The following FAM120B variants were observed in gnomAD, a reference collection of about 807,000 sequenced individuals.
FAM120B encodes the protein constitutive coactivator of peroxisome proliferator-activated receptor gamma.
A neutral mutation model predicts 96.3 loss-of-function variants in FAM120B; 83 were observed. The ratio of observed to expected loss-of-function variants is 0.86; its 90% CI spans 0.72 to 1.03. FAM120B has a LOEUF of 1.03. FAM120B is among the 50% of genes least tolerant of loss of function. FAM120B has a pLI of 0.00. For synonymous variants in FAM120B, 407 were observed against 402.7 expected, an observed-to-expected ratio of 1.01 and a Z score of -0.13; for missense variants, 1,027 against 1,121.2, an observed-to-expected ratio of 0.92 and a Z score of 1.20.
At chr6:170,396,020 C>T (rs80167966) in intron 9 of FAM120B, among the ~76,000 whole-genome samples, 2,769 of 152,298 alleles carry the variant, frequency 0.018, 72 homozygotes, top group African/African-American at 0.063. Context: ...TTGTTTTTTA[C>T]ATATGTTGTA....
upstream of FAM120B, among the ~76,000 whole-genome samples, chr6:170,305,730 C>T (rs1173861253): frequency 6.6e-6 from 1 of 152,214 alleles, no homozygotes; most frequent in East Asian, 1.9e-4. Context: ...AAGGTCGTCA[C>T]TCACACGTGC....
At chr6:170,331,779 A>G (rs1168728561) in intron 4 of FAM120B, among the ~76,000 whole-genome samples, 2 of 152,232 alleles carry the variant, frequency 1.3e-5, no homozygotes, top group African/African-American at 4.8e-5. Flanking sequence ...AAATTGTATA[A>G]GTATTAGAGA....
rs1789084465 is a variant in FAM120B, at chr6:170,370,114, G to C, written c.2283+11796G>C. ...TGAGTCGGCAGAAATTTATCGCAGAGACATTGCAGAGGTGAGACGGAGACT... is the reference window on the plus strand; with the variant it reads ...TGAGTCGGCAGAAATTTATCGCAGACACATTGCAGAGGTGAGACGGAGACT... On this transcript the variant is annotated intron_variant, in intron 6 of 10. Transcript: ENST00000476287. The surrounding 1 kb of genome is among the most constrained non-coding windows in gnomAD (Gnocchi z 4.3). Among the ~76,000 whole-genome samples the C allele has an allele frequency of 6.6e-6, 1 of 152,166 alleles. No homozygotes were observed. Among genetic ancestry groups the C allele is most frequent in the Non-Finnish European group, 1.5e-5 (1 of 68,032 alleles).
chr6:170,291,339 T>TGAGCGGCGGGACGCGGCCTCCG (rs1783866613), upstream of FAM120B, among the ~76,000 whole-genome samples: 1 of 151,580 alleles, frequency 6.6e-6, no homozygotes, highest in African/African-American at 2.4e-5. Flanking sequence ...GGGCCCCACT[T>TGAGCGGCGGGACGCGGCCTCCG]GAGCGGCGGG....
rs551125321 is a variant in FAM120B, at chr6:170,370,237, G to A, written c.2283+11919G>A. ...GCCTTGTGTCCTCCTGCTCCCACAT[G>A]TGCTAAGTGGCACCTTAGGGGGCCC... is the stretch of plus-strand genomic sequence containing the variant. On this transcript the variant is annotated intron_variant, in intron 6 of 10. Transcript: ENST00000476287. This position sits in a 1 kb window ranked among gnomAD's most constrained non-coding sequence, Gnocchi z 4.3. Among the ~76,000 whole-genome samples, 6 of 152,292 alleles carry A rather than the reference G, an allele frequency of 3.9e-5. No individual in the cohort carries two copies. Among genetic ancestry groups the A allele is most frequent in the Non-Finnish European group, 2.9e-5 (2 of 68,024 alleles).
chr6:170,312,613 C>G (rs547129826), intron 1 of FAM120B, among the ~76,000 whole-genome samples: 2 of 152,164 alleles, frequency 1.3e-5, no homozygotes, highest in African/African-American at 4.8e-5. Flanking sequence ...GGTTGTGGCC[C>G]GACTGTTCTG....
chr6:170,376,257 T>A (rs969012063), intron 6 of FAM120B, among the ~76,000 whole-genome samples: 2 of 151,984 alleles, frequency 1.3e-5, no homozygotes, highest in Non-Finnish European at 2.9e-5. Flanking sequence ...GTGTATGAGA[T>A]CTGTTTCCAG....
chr6:170,335,426 G>C (rs1371981302), intron 4 of FAM120B, among the ~76,000 whole-genome samples: 1 of 152,104 alleles, frequency 6.6e-6, no homozygotes, highest in Non-Finnish European at 1.5e-5. Context: ...CATGGTGTGT[G>C]TATGCCACAT....
Position 170,370,106 on chromosome 6 carries a change from A to C in FAM120B, c.2283+11788A>C, listed in dbSNP as rs79097470. On this transcript the variant is annotated intron_variant, in intron 6 of 10. Coordinates refer to ENST00000476287, the MANE Select transcript of FAM120B (RefSeq NM_032448.3). The surrounding 1 kb of genome is among the most constrained non-coding windows in gnomAD (Gnocchi z 4.3). ...CCATTCTGTGAGTCGGCAGAAATTTATCGCAGAGACATTGCAGAGGTGAGA... is the reference window on the plus strand; with the variant it reads ...CCATTCTGTGAGTCGGCAGAAATTTCTCGCAGAGACATTGCAGAGGTGAGA... 2.9e-3 allele frequency among the ~76,000 whole-genome samples: 442 copies of C among 152,342 alleles called. 1 individual carries two copies. Among genetic ancestry groups the C allele is most frequent in the African/African-American group, 9.6e-3 (398 of 41,568 alleles).
intron 1 of FAM120B, among the ~76,000 whole-genome samples, chr6:170,312,851 G>C (rs1054813545): frequency 6.6e-6 from 1 of 152,210 alleles, no homozygotes; most frequent in Non-Finnish European, 1.5e-5. Flanking sequence ...GTGAAGGGGT[G>C]AGGGGATGGG....
At chr6:170,339,616 A>G (rs1368394999) in intron 4 of FAM120B, among the ~76,000 whole-genome samples, 1 of 151,866 alleles carries the variant, frequency 6.6e-6, no homozygotes, top group African/African-American at 2.4e-5. Flanking sequence ...TGTCTCTACT[A>G]AAAATACAAA....
chr6:170,393,912 A>G (rs1052864178), intron 8 of FAM120B, among the ~76,000 whole-genome samples: 2 of 147,324 alleles, frequency 1.4e-5, no homozygotes, highest in African/African-American at 5.2e-5. Context: ...TGCAACACCA[A>G]GCTACTCGGT....
At chr6:170,369,373 A>G (rs1267071802) in intron 6 of FAM120B, among the ~76,000 whole-genome samples, 1 of 152,192 alleles carries the variant, frequency 6.6e-6, no homozygotes, top group East Asian at 1.9e-4. Context: ...TGGACTTGGC[A>G]GCAGGGCCCC....
intron 6 of FAM120B, among the ~76,000 whole-genome samples, chr6:170,387,917 A>G (rs550119038): frequency 7.9e-5 from 12 of 152,298 alleles, no homozygotes; most frequent in African/African-American, 2.4e-4. Context: ...GCTTTTTCCT[A>G]GTGGACCACA....
At chr6:170,311,650 T>C (rs1784601451) in intron 1 of FAM120B, among the ~76,000 whole-genome samples, 1 of 152,236 alleles carries the variant, frequency 6.6e-6, no homozygotes. Context: ...TTACCTTCTC[T>C]GTCCTACACT....
At position 170,348,335 on chromosome 6, in the gene FAM120B, C is replaced by A; in HGVS notation, c.2190+12C>A. 1 of 1,611,392 alleles carries A rather than the reference C, an allele frequency of 6.2e-7. No homozygotes were observed. Among genetic ancestry groups the A allele is most frequent in the Non-Finnish European group, 8.5e-7 (1 of 1,179,208 alleles). On this transcript the variant is annotated intron_variant, in intron 5 of 10. Transcript: ENST00000476287. The stretch of plus-strand genomic sequence containing the variant: ...ACCTCTTTGTCCAGGTAATGTCCAG[C>A]TGCCCGTTCTAGTCACTGCAGCCTG...
intron 3 of FAM120B, among the ~76,000 whole-genome samples, chr6:170,326,984 A>G (rs1479227604): frequency 6.6e-6 from 1 of 151,950 alleles, no homozygotes; most frequent in Admixed American, 6.6e-5. Flanking sequence ...ACCTCAAGAT[A>G]TCCCCCACGT....
intron 1 of FAM120B, among the ~76,000 whole-genome samples, chr6:170,314,549 A>AAAACTGCCCATTTG (rs1784780218): frequency 6.6e-6 from 1 of 152,232 alleles, no homozygotes. Flanking sequence ...CTAGATAATG[A>AAAACTGCCCATTTG]AAATTTCTTA....
At chr6:170,305,819 C>A (rs113243221), upstream of FAM120B, among the ~76,000 whole-genome samples, 14 of 152,254 alleles carry the variant, frequency 9.2e-5, no homozygotes, top group African/African-American at 3.4e-4. Context: ...CACCCGGAGC[C>A]CACCTGATCT....
Sources: gnomAD v4.1 joint callset for allele counts (sites outside exome capture counted in the v4.1 genomes callset) on GRCh38, gnomAD v4.1.1 for gene constraint, Gnocchi (gnomAD v3.1) non-coding constraint, MANE v1.5 for transcripts, NCBI Gene and HGNC (gene_info 2026-07-23, HGNC 2026-07-21) for gene names.